Variants in KCNA2 observed in about 807,000 individuals in gnomAD.
KCNA2 encodes the protein potassium channel, voltage gated shaker related subfamily A, member 2.
Under a neutral mutation model 33.4 loss-of-function variants are expected in KCNA2, and 11 were observed. The ratio of observed to expected loss-of-function variants is 0.33; its 90% CI spans 0.21 to 0.55. The LOEUF (loss-of-function observed/expected upper bound fraction) is 0.55, where lower values mean the gene tolerates loss of function less well. Ranked by LOEUF, KCNA2 falls within the 20% of genes least tolerant of loss-of-function variation. The pLI is 0.93. For missense variants in KCNA2, 291 were observed against 621.6 expected (o/e 0.47, Z 5.66); for synonymous variants, 222 against 231.3 (o/e 0.96, Z 0.37).
rs1649231074 is a variant in KCNA2 at position 110,599,174 on chromosome 1, C to G, written c.*4109G>C. 1.0e-6 allele frequency: 1 copy of G among 985,312 alleles called. No homozygotes were observed. The highest frequency in any genetic ancestry group is 1.7e-5 in the African/African-American group (1 of 57,244). The allele number at this position is 985,312 out of a possible 1,614,324, so 61.0% of individuals were successfully genotyped here. On this transcript the variant is annotated 3_prime_UTR_variant, in exon 3 of 3. Transcript: ENST00000316361. Reference sequence around the variant, plus strand: ...GCAGAAATCAGGAGTGAGGCCTGATCCAAAGCCTGACTGCAACTCTTTACT... The same window carrying G: ...GCAGAAATCAGGAGTGAGGCCTGATGCAAAGCCTGACTGCAACTCTTTACT...
Position 110,600,222 on chromosome 1 carries a change from T to G in KCNA2, c.*3061A>C. The stretch of plus-strand genomic sequence containing the variant: ...TTTCATGTGTATTGTGCGATATTTT[T>G]GGGCATGTGTGCTATGTATCTTGTA... On this transcript the variant is annotated 3_prime_UTR_variant, in exon 3 of 3. Transcript: ENST00000316361. The G allele has an allele frequency of 1.0e-6, 1 of 982,362 alleles. No homozygotes were observed. Among genetic ancestry groups the G allele is most frequent in the Non-Finnish European group, 1.2e-6 (1 of 829,426 alleles). The allele number at this position is 982,362 out of a possible 1,614,324, so 60.9% of individuals were successfully genotyped here.
At chr1:110,621,574 A>G (rs923939845) in intron 1 of KCNA2, among the ~76,000 whole-genome samples, 3 of 152,202 alleles carry the variant, frequency 2.0e-5, no homozygotes, top group Non-Finnish European at 4.4e-5. Context: ...CTTTAAGAAG[A>G]TTAATAAAAT....
In KCNA2 at chr1:110,600,271, G is replaced by A. The variant is rs1264955899; in HGVS notation, c.*3012C>T. ...TATGCCTATTATAAGTTAATGCATC[G>A]TGTGTATATACTGAGTTTGTGTGTA... is the stretch of plus-strand genomic sequence containing the variant. On this transcript the variant is annotated 3_prime_UTR_variant, in exon 3 of 3. Transcript: ENST00000316361. The A allele has an allele frequency of 1.7e-5, 17 of 982,236 alleles. No homozygotes were observed. In the African/African-American group the frequency reaches 2.0e-4, roughly 11 times the overall value. The allele number at this position is 982,236 out of a possible 1,614,324, so 60.8% of individuals were successfully genotyped here. A position where few individuals can be genotyped will look rare whatever the true frequency, so the allele number is the denominator to read the frequency against.
At position 110,599,484 on chromosome 1, in the gene KCNA2, G is replaced by GT; in HGVS notation, c.*3798dup. 1.0e-6 allele frequency: 1 copy of GT among 985,420 alleles called. No homozygotes were observed. Among genetic ancestry groups the GT allele is most frequent in the Non-Finnish European group, 1.2e-6 (1 of 829,944 alleles). 61.0% of individuals were successfully genotyped at this position (985,420 alleles called of 1,614,324 possible). A position where few individuals can be genotyped will look rare whatever the true frequency, so the allele number is the denominator to read the frequency against. ...GCCCAACAAGAGGAAAAGGAAGAGC[G>GT]TGCCCGGGATTGAACACACCCAGAG... On this transcript the variant is annotated 3_prime_UTR_variant, in exon 3 of 3. Coordinates refer to ENST00000316361, the MANE Select transcript of KCNA2 (RefSeq NM_004974.4).
In KCNA2 at chr1:110,602,128, G is replaced by A; in HGVS notation, c.*1155C>T. The A allele has an allele frequency of 6.4e-7, 1 of 1,550,534 alleles. No homozygotes were observed. Among genetic ancestry groups the A allele is most frequent in the Non-Finnish European group, 8.7e-7 (1 of 1,146,996 alleles). On this transcript the variant is annotated 3_prime_UTR_variant, in exon 3 of 3. Transcript: ENST00000316361. The stretch of plus-strand genomic sequence containing the variant: ...CAGTCATGTGAGGTGTTCAGATGCT[G>A]CCTTCCCCGCTTACTCTTCTGGCTT...
chr1:110,603,317 T>C lies in KCNA2; in HGVS notation c.1466A>G (p.Tyr489Cys), dbSNP rs149776127. 33 of 1,610,560 alleles carry C rather than the reference T, an allele frequency of 2.0e-5. No homozygotes were observed. Among genetic ancestry groups the C allele is most frequent in the East Asian group, 4.5e-5 (2 of 44,882 alleles). ...AGTTAACATTTTGGTAATATTCACA[T>C]AGTTTGTGTTAGCCAAGGTACAGTT... The part of the protein sequence containing the change: ...TANCTLANTN[Y>C]VNITKMLTDV Residue 489 changes from tyrosine to cysteine, a missense_variant, in exon 3 of 3, where the codon TAT becomes TGT. By Grantham distance (194) the Tyr-to-Cys change is radical. This residue lies in a region of KCNA2 where 65 missense variants were observed against 95.1 expected (regional missense o/e 0.68). Coordinates refer to ENST00000316361, the MANE Select transcript of KCNA2 (RefSeq NM_004974.4). This position sits in a 1 kb window ranked among gnomAD's most constrained non-coding sequence, Gnocchi z 5.7.
rs554035675 is a variant in KCNA2 at position 110,627,738 on chromosome 1, AT to A, written c.-496+3656del. Among the ~76,000 whole-genome samples, 306 of 152,220 alleles carry A rather than the reference AT, an allele frequency of 2.0e-3. 1 individual carries two copies. Among genetic ancestry groups the A allele is most frequent in the African/African-American group, 7.1e-3 (294 of 41,538 alleles). On this transcript the variant is annotated intron_variant, in intron 1 of 4. Transcript: ENST00000369770. ...ACTAACATAATTATAAAAAATGTTA[AT>A]ACAACCCTTGAGCCCAGAAGTTCGA...
At chr1:110,627,864 T>A (rs1570770603) in intron 1 of KCNA2, among the ~76,000 whole-genome samples, 1 of 149,322 alleles carries the variant, frequency 6.7e-6, no homozygotes, top group East Asian at 1.9e-4. Context: ...CCAGGCTTGA[T>A]GGGGACAAAG....
At chr1:110,609,902 C>A (rs138983621), upstream of KCNA2, among the ~76,000 whole-genome samples, 1 of 152,214 alleles carries the variant, frequency 6.6e-6, no homozygotes, top group African/African-American at 2.4e-5. Flanking sequence ...CTCTCTGAGC[C>A]TCCTACTGTT....
Position 110,599,171 on chromosome 1 carries a change from G to C in KCNA2, c.*4112C>G, listed in dbSNP as rs368902105. The C allele has an allele frequency of 1.6e-4, 160 of 985,308 alleles. No homozygotes were observed. The highest frequency in any genetic ancestry group is 1.8e-4 in the Non-Finnish European group (149 of 829,938). 61.0% of individuals were successfully genotyped at this position (985,308 alleles called of 1,614,324 possible). A position where few individuals can be genotyped will look rare whatever the true frequency, so the allele number is the denominator to read the frequency against. On this transcript the variant is annotated 3_prime_UTR_variant, in exon 3 of 3. Coordinates refer to ENST00000316361, the MANE Select transcript of KCNA2 (RefSeq NM_004974.4). ...GGAGCAGAAATCAGGAGTGAGGCCT[G>C]ATCCAAAGCCTGACTGCAACTCTTT... is the stretch of plus-strand genomic sequence containing the variant.
intron 2 of KCNA2, 84 bp downstream of exon 2, chr1:110,605,307 G>C (rs888970130): frequency 1.9e-5 from 3 of 155,128 alleles, no homozygotes; most frequent in East Asian, 1.9e-4. Context: ...TTCATGGTTG[G>C]GGAGCTTGGG....
Position 110,597,446 on chromosome 1 carries a change from A to G in KCNA2, c.*5837T>C, listed in dbSNP as rs1570746589. The stretch of plus-strand genomic sequence containing the variant: ...ATTTTCATGCCTAGAGGTTGTAAGG[A>G]TGCTGTATGACAGCAGGCAGAAATG... On this transcript the variant is annotated 3_prime_UTR_variant, in exon 3 of 3. Coordinates refer to ENST00000316361, the MANE Select transcript of KCNA2 (RefSeq NM_004974.4). 1 of 985,362 alleles carries G rather than the reference A, an allele frequency of 1.0e-6. No homozygotes were observed. The highest frequency in any genetic ancestry group is 6.2e-5 in the Admixed American group (1 of 16,260). The allele number at this position is 985,362 out of a possible 1,614,324, so 61.0% of individuals were successfully genotyped here.
upstream of KCNA2, chr1:110,607,676 G>A (rs897454278): frequency 6.6e-6 from 1 of 152,444 alleles, no homozygotes; most frequent in African/African-American, 2.4e-5. Context: ...AGGGGCACTG[G>A]TGAGAGGCTC....
At chr1:110,620,049 A>AGAGT (rs1553182938) in intron 1 of KCNA2, among the ~76,000 whole-genome samples, 10 of 112,826 alleles carry the variant, frequency 8.9e-5, no homozygotes, top group Non-Finnish European at 1.6e-4. Context: ...AGAGAGAGCG[A>AGAGT]GAGCGAGAGA....
chr1:110,616,910 G>A (rs1252141387), intron 1 of KCNA2, among the ~76,000 whole-genome samples: 1 of 152,268 alleles, frequency 6.6e-6, no homozygotes, highest in Non-Finnish European at 1.5e-5. Context: ...TCTAACCCAA[G>A]GCAGAATGAA....
At chr1:110,610,413 G>A (rs1027966453), upstream of KCNA2, among the ~76,000 whole-genome samples, 15 of 152,186 alleles carry the variant, frequency 9.9e-5, no homozygotes, top group Non-Finnish European at 1.0e-4. Context: ...ATCCACCCAT[G>A]TGCTGGCACA....
At chr1:110,605,139 G>A (rs1649540408) in intron 2 of KCNA2, among the ~76,000 whole-genome samples, 194 bp from the exon 3 acceptor site, 1 of 152,186 alleles carries the variant, frequency 6.6e-6, no homozygotes, top group South Asian at 2.1e-4. Context: ...AATCTCTCCA[G>A]GAACCTCTGG....
chr1:110,604,184 A>G lies in KCNA2; in HGVS notation c.599T>C (p.Val200Ala), dbSNP rs202006083. Residue 200 changes from valine to alanine, a missense_variant, in exon 3 of 3, where the codon GTG (valine) becomes GCG (alanine). By Grantham distance (64) the Val-to-Ala change is moderately conservative (BLOSUM62 0). This residue lies in a region of KCNA2 where 163 missense variants were observed against 273.5 expected (regional missense o/e 0.60). Transcript: ENST00000316361. This position sits in a 1 kb window ranked among gnomAD's most constrained non-coding sequence, Gnocchi z 7.6. ...DENEDMHGSG[V>A]TFHTYSNSTI... The stretch of plus-strand genomic sequence containing the variant: ...GCTGTTGGAATAGGTGTGGAAGGTC[A>G]CCCCACTACCATGCATGTCTTCATT... The G allele has an allele frequency of 1.2e-6, 2 of 1,614,016 alleles. No individual in the cohort carries two copies. Among genetic ancestry groups the G allele is most frequent in the Middle Eastern group, 1.6e-4 (1 of 6,084 alleles).
rs1648980485 is a variant in KCNA2, at chr1:110,594,052, G to T, written c.*9231C>A. The T allele has an allele frequency of 6.7e-7, 1 of 1,488,430 alleles. No individual in the cohort carries two copies. Among genetic ancestry groups the T allele is most frequent in the Non-Finnish European group, 8.9e-7 (1 of 1,121,354 alleles). The allele number at this position is 1,488,430 out of a possible 1,614,324, so 92.2% of individuals were successfully genotyped here. A position where few individuals can be genotyped will look rare whatever the true frequency, so the allele number is the denominator to read the frequency against. ...GCCTCTTATCACCATGGAGACCCCA[G>T]TTCCCTTTCGGCATCATCCTTACGA... On this transcript the variant is annotated 3_prime_UTR_variant, in exon 3 of 3. Coordinates refer to ENST00000316361, the MANE Select transcript of KCNA2 (RefSeq NM_004974.4).
Sources: allele counts gnomAD v4.1 joint callset (sites outside exome capture counted in the v4.1 genomes callset), GRCh38; gene constraint gnomAD v4.1.1; regional missense constraint gnomAD v4.1.1; non-coding constraint Gnocchi (gnomAD v3.1); transcripts MANE v1.5; gene names NCBI Gene and HGNC (gene_info 2026-07-23, HGNC 2026-07-21).